MCMBP: variants seen among roughly 807,000 people sequenced by gnomAD.
MCMBP encodes the protein mini-chromosome maintenance complex-binding protein.
In MCMBP, 31 loss-of-function variants were observed where a neutral mutation model predicts 81.3. The ratio of observed to expected loss-of-function variants is 0.38; its 90% confidence interval spans 0.29 to 0.51. The LOEUF is 0.51. Ranked by LOEUF, MCMBP falls within the 20% of genes least tolerant of loss-of-function variation. MCMBP has a pLI of 0.87. For missense variants in MCMBP, 645 were observed against 772.1 expected (o/e 0.84, Z 1.95); for synonymous variants, 267 against 275.9 (o/e 0.97, Z 0.32).
chr10:119,843,086 G>T, intron 9 of MCMBP, 168 bp downstream of exon 9: 1 of 728,490 alleles, frequency 1.4e-6, no homozygotes, highest in East Asian at 3.0e-5. Flanking sequence ...TCAGTGAAGA[G>T]AATTAATGTA....
intron 14 of MCMBP, among the ~76,000 whole-genome samples, chr10:119,834,993 G>A (rs1025714876): frequency 6.6e-6 from 1 of 152,076 alleles, no homozygotes; most frequent in African/African-American, 2.4e-5. Flanking sequence ...GAAATAAAGG[G>A]TGCTGGTAAA....
intron 13 of MCMBP, 97 bp from the exon 14 acceptor site, chr10:119,835,801 T>G: frequency 8.0e-7 from 1 of 1,250,180 alleles, no homozygotes; most frequent in Non-Finnish European, 1.1e-6. Flanking sequence ...CTATGGGAAT[T>G]AGAAAATACC....
In MCMBP at chr10:119,857,321, G is replaced by T; in HGVS notation, c.429+17C>A. The T allele has an allele frequency of 6.4e-7, 1 of 1,554,144 alleles. No homozygotes were observed. The highest frequency in any genetic ancestry group is 8.8e-7 in the Non-Finnish European group (1 of 1,132,202). On this transcript the variant is annotated intron_variant, in intron 5 of 15. Transcript: ENST00000369077. ...TAGAAACCATCAACACAGTAAGAAA[G>T]TTCAGATAAAGGATATTTCTTTTAC...
At position 119,872,580 on chromosome 10, in the gene MCMBP, G is replaced by A; in HGVS notation, c.5C>T (p.Pro2Leu). M[P>L]CGEDWLSHPL... ...GTGGCTGAGCCAATCCTCCCCACAC[G>A]GCATCTCGCCAGGGGCCGGGGCCGG... The change falls in exon 1 of 16, where the codon CCG becomes CTG. Residue 2 changes from proline to leucine, a missense_variant. By Grantham distance (98) the Pro-to-Leu change is moderately conservative. Transcript: ENST00000369077. The A allele has an allele frequency of 8.5e-7, 1 of 1,175,438 alleles. No homozygotes were observed. The highest frequency in any genetic ancestry group is 4.7e-5 in the Admixed American group (1 of 21,392). 72.8% of individuals were successfully genotyped at this position (1,175,438 alleles called of 1,614,324 possible).
intron 6 of MCMBP, among the ~76,000 whole-genome samples, chr10:119,851,125 C>T (rs1852810880): frequency 1.3e-5 from 2 of 151,972 alleles, no homozygotes; most frequent in Admixed American, 6.6e-5. Flanking sequence ...GCCTCGGCCT[C>T]CTGAAGGGCT....
intron 1 of MCMBP, among the ~76,000 whole-genome samples, chr10:119,863,245 G>T (rs1477068030): frequency 6.6e-6 from 1 of 152,078 alleles, no homozygotes; most frequent in Non-Finnish European, 1.5e-5. Flanking sequence ...AGGTCACAAA[G>T]ATCTGTTTTC....
At chr10:119,833,414 GGGA>G (rs1316365796) in intron 14 of MCMBP, among the ~76,000 whole-genome samples, 1 of 151,694 alleles carries the variant, frequency 6.6e-6, no homozygotes, top group Non-Finnish European at 1.5e-5. Flanking sequence ...AGGCCAAGGT[GGGA>G]GGACTACTTG....
At chr10:119,864,817 T>C (rs1449550961) in intron 1 of MCMBP, among the ~76,000 whole-genome samples, 1 of 152,258 alleles carries the variant, frequency 6.6e-6, no homozygotes, top group Non-Finnish European at 1.5e-5. Flanking sequence ...AATTTTGGTA[T>C]GTTGAGTTTT....
chr10:119,871,343 A>AT lies in MCMBP; in HGVS notation c.58+1183dup, dbSNP rs1158096426. Among the ~76,000 whole-genome samples the AT allele has an allele frequency of 5.1e-3, 747 of 145,378 alleles. 2 individuals are homozygous for AT. The highest frequency in any genetic ancestry group is 8.0e-3 in the African/African-American group (319 of 39,906). On this transcript the variant is annotated intron_variant, in intron 1 of 15. Coordinates refer to ENST00000369077, the MANE Select transcript of MCMBP (RefSeq NM_001256378.2). The stretch of plus-strand genomic sequence containing the variant: ...AGCACCCTTGACTGCTATATAGTGA[A>AT]TTTTTTTTTTTTTCAAGTATGAAGG...
At chr10:119,864,622 C>CT (rs1235192177) in intron 1 of MCMBP, among the ~76,000 whole-genome samples, 1 of 131,106 alleles carries the variant, frequency 7.6e-6, no homozygotes, top group Admixed American at 7.5e-5. Flanking sequence ...CTGATTTTTT[C>CT]TTTTTTTTCT....
At chr10:119,866,626 A>C (rs181119161) in intron 1 of MCMBP, among the ~76,000 whole-genome samples, 5 of 152,108 alleles carry the variant, frequency 3.3e-5, no homozygotes, top group African/African-American at 1.2e-4. Context: ...ACTCCGTCTC[A>C]AAAAAAAGAG....
chr10:119,839,972 T>C (rs956259344), intron 11 of MCMBP, among the ~76,000 whole-genome samples: 1 of 152,242 alleles, frequency 6.6e-6, no homozygotes, highest in Admixed American at 6.5e-5. Context: ...AATCCAGACA[T>C]TGAAGAGATT....
At position 119,871,642 on chromosome 10, in the gene MCMBP, T is replaced by C. The variant is rs78196913; in HGVS notation, c.58+885A>G. 3.7e-3 allele frequency among the ~76,000 whole-genome samples: 556 copies of C among 152,252 alleles called. 4 individuals are homozygous for C. Among genetic ancestry groups the C allele is most frequent in the African/African-American group, 0.013 (541 of 41,538 alleles). On this transcript the variant is annotated intron_variant, in intron 1 of 15. Coordinates refer to ENST00000369077, the MANE Select transcript of MCMBP (RefSeq NM_001256378.2). ...TCTCTAGTACCCCAAGATGTTTTTT[T>C]CAATGAGCTAAGGCCGCTCTACAAC...
chr10:119,839,117 T>C (rs1395432893), intron 11 of MCMBP, among the ~76,000 whole-genome samples: 3 of 152,252 alleles, frequency 2.0e-5, no homozygotes, highest in African/African-American at 7.2e-5. Context: ...TGAGTTAAAA[T>C]TGTATTCATT....
At chr10:119,832,710 G>A (rs1051777736) in intron 14 of MCMBP, among the ~76,000 whole-genome samples, 4 of 152,104 alleles carry the variant, frequency 2.6e-5, no homozygotes, top group Non-Finnish European at 4.4e-5. Flanking sequence ...GGACCCATTT[G>A]CAAGGTTGTC....
In MCMBP at chr10:119,853,068, C is replaced by T; in HGVS notation, c.556G>A (p.Ala186Thr). The T allele has an allele frequency of 6.2e-7, 1 of 1,614,140 alleles. No individual in the cohort carries two copies. Among genetic ancestry groups the T allele is most frequent in the South Asian group, 1.1e-5 (1 of 91,086 alleles). ...ACACTACCTGCTTGTCTGGCACCTG[C>T]ATGTTGGTCTTTCTGCTTATTGGGC... ...LQPNKQKDQH[A>T]GARQAGSVGG... Residue 186 changes from alanine to threonine, a missense_variant, in exon 6 of 16, where the codon GCA becomes ACA. Transcript: ENST00000369077.
At position 119,836,390 on chromosome 10, in the gene MCMBP, C is replaced by T. The variant is rs1226915675; in HGVS notation, c.1542+506G>A. Among the ~76,000 whole-genome samples, 3 of 152,312 alleles carry T rather than the reference C, an allele frequency of 2.0e-5. No homozygotes were observed. In the East Asian group the frequency reaches 5.8e-4, roughly 29 times the overall value. ...AATACTATTATTCAGAGACTACACA[C>T]CATTTGACAACTGGGAGCATTTCCC... is the stretch of plus-strand genomic sequence containing the variant. On this transcript the variant is annotated intron_variant, in intron 13 of 15. Coordinates refer to ENST00000369077, the MANE Select transcript of MCMBP (RefSeq NM_001256378.2).
At chr10:119,851,653 T>C (rs1852828602) in intron 6 of MCMBP, among the ~76,000 whole-genome samples, 1 of 152,126 alleles carries the variant, frequency 6.6e-6, no homozygotes, top group Non-Finnish European at 1.5e-5. Context: ...GGCTAGATGA[T>C]AGACCATTAA....
In MCMBP at chr10:119,847,600, C is replaced by G. The variant is rs760054304; in HGVS notation, c.827+13G>C. 6.6e-7 allele frequency: 1 copy of G among 1,517,716 alleles called. No individual in the cohort carries two copies. Among genetic ancestry groups the G allele is most frequent in the East Asian group, 2.3e-5 (1 of 44,014 alleles). 94.0% of individuals were successfully genotyped at this position (1,517,716 alleles called of 1,614,324 possible). Reference sequence around the variant, plus strand: ...AAAATAAAGGAGACCAAAAAAAGAGCACACAGACTCACCTTTCATCATTAT... The same window carrying G: ...AAAATAAAGGAGACCAAAAAAAGAGGACACAGACTCACCTTTCATCATTAT... On this transcript the variant is annotated intron_variant, in intron 8 of 15. Transcript: ENST00000369077.
Sources: gnomAD v4.1 joint callset for allele counts (sites outside exome capture counted in the v4.1 genomes callset) on GRCh38, gnomAD v4.1.1 for gene constraint, MANE v1.5 for transcripts, NCBI Gene and HGNC (gene_info 2026-07-23, HGNC 2026-07-21) for gene names.